Variants in DACH2 observed in about 807,000 individuals in gnomAD.
DACH2 encodes the protein dachshund homolog 2.
In DACH2, 17 loss-of-function variants were observed where a neutral mutation model predicts 35.8. The ratio of observed to expected loss-of-function variants is 0.48; its 90% CI spans 0.33 to 0.71. The LOEUF is 0.71. DACH2 is among the 30% of genes least tolerant of loss of function. DACH2 has a pLI of 0.02. For missense variants in DACH2, 469 were observed against 472.7 expected (o/e 0.99, Z 0.07); for synonymous variants, 195 against 177.3 (o/e 1.10, Z -0.79).
chrX:86,292,943 C>T (rs988802554), intron 1 of DACH2, among the ~76,000 whole-genome samples: 32 of 100,896 alleles, frequency 3.2e-4, no homozygotes, highest in South Asian at 1.6e-3. Context: ...CTATTAGGTC[C>T]GCTTGGTGAA....
intron 2 of DACH2, among the ~76,000 whole-genome samples, chrX:86,468,524 T>G (rs2148219381): frequency 8.9e-6 from 1 of 111,783 alleles, no homozygotes; most frequent in Non-Finnish European, 1.9e-5. Context: ...CATTGTTGTG[T>G]CAGTTAAAAG....
intron 1 of DACH2, among the ~76,000 whole-genome samples, chrX:86,169,154 A>T (rs1339730204): frequency 9.0e-6 from 1 of 111,446 alleles, no homozygotes; most frequent in African/African-American, 3.3e-5. Flanking sequence ...TGTTTGAAGG[A>T]TATTTTTACT....
intron 2 of DACH2, among the ~76,000 whole-genome samples, chrX:86,400,765 C>T (rs1030455485): frequency 2.7e-5 from 3 of 111,342 alleles, no homozygotes; most frequent in South Asian, 3.8e-4. Flanking sequence ...AGTACCTTGC[C>T]GTGTGAGGTG....
chrX:86,624,340 G>A (rs1214585844), intron 3 of DACH2, among the ~76,000 whole-genome samples: 2 of 111,686 alleles, frequency 1.8e-5, no homozygotes, highest in Non-Finnish European at 3.8e-5. Context: ...TTTAAAAAAT[G>A]TGTTTATCTT....
chrX:86,476,557 G>T (rs1391595724), intron 2 of DACH2, among the ~76,000 whole-genome samples: 1 of 110,643 alleles, frequency 9.0e-6, no homozygotes, highest in African/African-American at 3.3e-5. Flanking sequence ...TAGTTAGTTT[G>T]GTTAAAGGTT....
intron 3 of DACH2, among the ~76,000 whole-genome samples, chrX:86,556,791 T>C (rs866360428): frequency 1.1e-4 from 4 of 35,685 alleles, no homozygotes; most frequent in Non-Finnish European, 1.4e-4. Context: ...TATATATATA[T>C]ATATAGAGAG....
At chrX:86,599,490 C>CTTTA (rs2039760924) in intron 3 of DACH2, among the ~76,000 whole-genome samples, 1 of 89,483 alleles carries the variant, frequency 1.1e-5, no homozygotes, top group Non-Finnish European at 2.2e-5. Context: ...TTCTTTCTTT[C>CTTTA]TTTCTTTCTT....
At chrX:86,603,860 A>G (rs2039823049) in intron 3 of DACH2, among the ~76,000 whole-genome samples, 1 of 111,332 alleles carries the variant, frequency 9.0e-6, no homozygotes, top group South Asian at 3.7e-4. Context: ...TTCATTTACA[A>G]TGATTTCAGA....
intron 11 of DACH2, among the ~76,000 whole-genome samples, chrX:86,820,861 A>G (rs2042504760): frequency 9.1e-6 from 1 of 110,475 alleles, no homozygotes; most frequent in Admixed American, 9.8e-5. Context: ...TACTAACCTA[A>G]AACAACATTC....
At chrX:86,445,453 A>G (rs1158613796) in intron 2 of DACH2, among the ~76,000 whole-genome samples, 2 of 95,494 alleles carry the variant, frequency 2.1e-5, no homozygotes, top group Non-Finnish European at 4.2e-5. Context: ...GCACATGTAT[A>G]CATATGTAAC....
intron 1 of DACH2, among the ~76,000 whole-genome samples, chrX:86,288,228 C>G (rs1403304828): frequency 1.8e-5 from 2 of 110,908 alleles, no homozygotes; most frequent in Non-Finnish European, 3.8e-5. Context: ...CCCTTACTAT[C>G]TCCCAAGAAA....
intron 1 of DACH2, among the ~76,000 whole-genome samples, chrX:86,213,167 C>T (rs1189893831): frequency 2.7e-5 from 3 of 110,923 alleles, no homozygotes; most frequent in Non-Finnish European, 5.7e-5. Flanking sequence ...AAAAGTTGAC[C>T]TAGGAAGGGA....
intron 2 of DACH2, among the ~76,000 whole-genome samples, chrX:86,474,967 C>T (rs1291355723): frequency 9.0e-6 from 1 of 111,420 alleles, no homozygotes; most frequent in Middle Eastern, 4.2e-3. Context: ...CTCCTGACCT[C>T]AGGTGATCCA....
At chrX:86,373,313 T>C (rs2035917150) in intron 1 of DACH2, among the ~76,000 whole-genome samples, 1 of 111,238 alleles carries the variant, frequency 9.0e-6, no homozygotes, top group South Asian at 3.7e-4. Context: ...ACATTGAAAT[T>C]CAGATTTTAT....
In DACH2 at chrX:86,814,723, A is replaced by G. The variant is rs1312262225; in HGVS notation, c.1573A>G (p.Thr525Ala). Residue 525 changes from threonine (T) to alanine (A), a missense_variant, in exon 10 of 12, where the codon ACC becomes GCC. Coordinates refer to ENST00000373125, the MANE Select transcript of DACH2 (RefSeq NM_053281.3). Reference protein sequence around the residue: ...MQKRLKKEKKTKRKLQEALEF... With the variant: ...MQKRLKKEKKAKRKLQEALEF... ...AAAGCGCCTGAAGAAGGAGAAAAAA[A>G]CCAAGAGAAAATTGCAGGAAGCCTT... The G allele has an allele frequency of 8.3e-7, 1 of 1,211,604 alleles. No homozygotes were observed. Among genetic ancestry groups the G allele is most frequent in the Non-Finnish European group, 1.1e-6 (1 of 895,326 alleles).
chrX:86,174,124 T>G (rs1358963883), intron 1 of DACH2, among the ~76,000 whole-genome samples: 1 of 100,019 alleles, frequency 1.0e-5, no homozygotes, highest in Non-Finnish European at 2.0e-5. Flanking sequence ...CAGTTGTTTT[T>G]TTTTTTTTTT....
At chrX:86,748,471 C>A (rs2041736992) in intron 7 of DACH2, among the ~76,000 whole-genome samples, 1 of 111,638 alleles carries the variant, frequency 9.0e-6, no homozygotes, top group African/African-American at 3.3e-5. Context: ...TTTCTTTTTA[C>A]AGAGCTCTCA....
chrX:86,651,243 TGGA>T, intron 4 of DACH2, 76 bp downstream of exon 4: 1 of 1,035,180 alleles, frequency 9.7e-7, no homozygotes, highest in South Asian at 2.6e-5. Flanking sequence ...GGGATGAGGA[TGGA>T]GGAGAGAATA....
chrX:86,509,914 T>C (rs1008928587), intron 2 of DACH2, among the ~76,000 whole-genome samples: 2 of 111,948 alleles, frequency 1.8e-5, no homozygotes, highest in African/African-American at 6.5e-5. Context: ...TCATTGGTAA[T>C]GGCTTTCACT....
Sources: gnomAD v4.1 joint callset for allele counts (sites outside exome capture counted in the v4.1 genomes callset) on GRCh38, gnomAD v4.1.1 for gene constraint, MANE v1.5 for transcripts, NCBI Gene and HGNC (gene_info 2026-07-23, HGNC 2026-07-21) for gene names.